Variants in AGAP1 observed in about 807,000 individuals in gnomAD.
AGAP1 encodes ArfGAP with GTPase domain, ankyrin repeat and PH domain 1.
In AGAP1, 29 loss-of-function variants were observed where a neutral mutation model predicts 105.3. The observed-to-expected ratio is 0.28, with a 90% CI of 0.21 to 0.38. The LOEUF (loss-of-function observed/expected upper bound fraction) is 0.38, where lower values mean the gene tolerates loss of function less well. AGAP1 is among the 10% of genes least tolerant of loss of function. The probability of loss-of-function intolerance (pLI) is 1.00; values close to 1 mark genes in which losing one functional copy is unlikely to be tolerated. For missense variants in AGAP1, 998 were observed against 1,165.1 expected, an observed-to-expected ratio of 0.86 and a Z score of 2.09; for synonymous variants, 509 against 485.9, an observed-to-expected ratio of 1.05 and a Z score of -0.63.
intron 8 of AGAP1, among the ~76,000 whole-genome samples, chr2:235,805,113 C>G (rs1305116136): frequency 6.6e-6 from 1 of 152,188 alleles, no homozygotes; most frequent in Non-Finnish European, 1.5e-5. Flanking sequence ...ACAGCAAACT[C>G]TTTTGCCTAA....
At chr2:235,896,342 A>G (rs928666567) in intron 10 of AGAP1, among the ~76,000 whole-genome samples, 3 of 152,228 alleles carry the variant, frequency 2.0e-5, no homozygotes, top group African/African-American at 4.8e-5. Flanking sequence ...TTGTTTGTCC[A>G]TGGATGGACA....
At chr2:235,695,107 A>G (rs746226136) in intron 1 of AGAP1, among the ~76,000 whole-genome samples, 14 of 152,234 alleles carry the variant, frequency 9.2e-5, no homozygotes, top group Non-Finnish European at 1.9e-4. Context: ...GAAGCTGGGA[A>G]ATAACAAGGA....
chr2:235,762,890 A>G (rs914313253), intron 6 of AGAP1, among the ~76,000 whole-genome samples: 1 of 152,154 alleles, frequency 6.6e-6, no homozygotes, highest in Admixed American at 6.5e-5. Flanking sequence ...CAGGAAAGAA[A>G]GATAGATTGT....
At chr2:235,997,426 G>A (rs1018681348) in intron 13 of AGAP1, among the ~76,000 whole-genome samples, 2 of 152,250 alleles carry the variant, frequency 1.3e-5, no homozygotes, top group South Asian at 2.1e-4. Context: ...AATTTAAGAC[G>A]TCATTCTAAA....
At chr2:235,706,857 C>T (rs1950560849) in intron 1 of AGAP1, among the ~76,000 whole-genome samples, 1 of 152,180 alleles carries the variant, frequency 6.6e-6, no homozygotes, top group African/African-American at 2.4e-5. Flanking sequence ...TGCAGATCCT[C>T]TAAGGCCACA....
intron 1 of AGAP1, among the ~76,000 whole-genome samples, chr2:235,529,604 C>A (rs1272259638): frequency 2.0e-5 from 3 of 152,166 alleles, no homozygotes; most frequent in Admixed American, 2.0e-4. Flanking sequence ...AAATCCAGGA[C>A]CTGGAAGGGA....
intron 1 of AGAP1, among the ~76,000 whole-genome samples, chr2:235,697,272 C>T (rs1950041292): frequency 6.6e-6 from 1 of 152,200 alleles, no homozygotes; most frequent in Non-Finnish European, 1.5e-5. Context: ...GCTGCCCAGG[C>T]GTTCCATGTA....
At chr2:235,939,354 G>T (rs563100867) in intron 12 of AGAP1, among the ~76,000 whole-genome samples, 57 of 151,994 alleles carry the variant, frequency 3.8e-4, no homozygotes, top group African/African-American at 1.3e-3. Flanking sequence ...TTGGACATGG[G>T]GTAGGGCATC....
intron 1 of AGAP1, among the ~76,000 whole-genome samples, chr2:235,565,336 G>A (rs1944314993): frequency 2.0e-5 from 3 of 152,266 alleles, no homozygotes; most frequent in Admixed American, 1.3e-4. Context: ...TCCCTTGTCA[G>A]CATTTTAAAC....
chr2:236,011,020 C>T (rs2056492617), intron 13 of AGAP1, among the ~76,000 whole-genome samples: 1 of 152,102 alleles, frequency 6.6e-6, no homozygotes, highest in South Asian at 2.1e-4. Context: ...GCACTCCAGC[C>T]TGGGCTAACA....
At chr2:235,581,704 G>A (rs1430483593) in intron 1 of AGAP1, among the ~76,000 whole-genome samples, 1 of 152,066 alleles carries the variant, frequency 6.6e-6, no homozygotes, top group African/African-American at 2.4e-5. Context: ...TACTCAAGAG[G>A]CTGAGGCAGA....
rs928615563 is a variant in AGAP1, at chr2:235,733,839, TA to T, written c.311-7114del. ...TTACTTTGTATTTTACAATGTAAAT[TA>T]AAAAAAAAAGTTGGGAGAGGAAGTG... On this transcript the variant is annotated intron_variant, in intron 3 of 17. Transcript: ENST00000304032. This position sits in a 1 kb window ranked among gnomAD's most constrained non-coding sequence, Gnocchi z 5.0. Among the ~76,000 whole-genome samples, 7 of 149,362 alleles carry T rather than the reference TA, an allele frequency of 4.7e-5. No homozygotes were observed. Among genetic ancestry groups the T allele is most frequent in the African/African-American group, 7.3e-5 (3 of 40,888 alleles).
intron 1 of AGAP1, among the ~76,000 whole-genome samples, chr2:235,547,145 G>T (rs1171164253): frequency 6.6e-6 from 1 of 152,166 alleles, no homozygotes; most frequent in Admixed American, 6.5e-5. Context: ...CACAGACCAG[G>T]GAGGTGACGG....
At chr2:235,816,406 C>G (rs1201841691) in intron 9 of AGAP1, among the ~76,000 whole-genome samples, 1 of 148,476 alleles carries the variant, frequency 6.7e-6, no homozygotes, top group East Asian at 2.0e-4. Flanking sequence ...CCACTGCACT[C>G]CAGCCTGGGT....
At chr2:236,041,975 G>A (rs941109543) in intron 15 of AGAP1, among the ~76,000 whole-genome samples, 5 of 152,218 alleles carry the variant, frequency 3.3e-5, no homozygotes, top group Non-Finnish European at 5.9e-5. Flanking sequence ...TCTCTGGGTG[G>A]TTGTAGGATT....
Position 236,120,447 on chromosome 2 carries a change from G to A in AGAP1, c.2370G>A (p.Trp790Ter). 1 of 1,611,334 alleles carries A rather than the reference G, an allele frequency of 6.2e-7. No homozygotes were observed. Among genetic ancestry groups the A allele is most frequent in the Non-Finnish European group, 8.5e-7 (1 of 1,179,768 alleles). Residue 790 changes from tryptophan (W) to a stop codon, truncating the protein, a stop_gained and splice_region_variant, in exon 17 of 18, where the codon TGG becomes TGA. Transcript: ENST00000304032. LOFTEE classifies it high-confidence loss of function. This position sits in a 1 kb window ranked among gnomAD's most constrained non-coding sequence, Gnocchi z 6.0. ...GNVVLAQLLI[W>*]YGVDVTARDA... ...TGGTCCTGGCGCAGCTCCTGATCTG[G>A]GTAGGTGGTCGGCACGCCTGGCAGA...
At chr2:235,638,552 G>A (rs1184224418) in intron 1 of AGAP1, among the ~76,000 whole-genome samples, 1 of 152,214 alleles carries the variant, frequency 6.6e-6, no homozygotes, top group Non-Finnish European at 1.5e-5. Context: ...TCACATATAA[G>A]CTCAGTTTTG....
chr2:235,747,720 C>T lies in AGAP1; in HGVS notation c.539-2634C>T, dbSNP rs1008426994. 5.3e-5 allele frequency among the ~76,000 whole-genome samples: 8 copies of T among 152,336 alleles called. No homozygotes were observed. The highest frequency in any genetic ancestry group is 2.1e-4 in the South Asian group (1 of 4,818). On this transcript the variant is annotated intron_variant, in intron 5 of 17. Coordinates refer to ENST00000304032, the MANE Select transcript of AGAP1 (RefSeq NM_001037131.3). The surrounding 1 kb of genome is among the most constrained non-coding windows in gnomAD (Gnocchi z 5.0). Reference sequence around the variant, plus strand: ...GCTTCCTGCGTGCAGACTTGCTCTCCGTGAAGCCCGTGCTCGGCTGCTCTT... The same window carrying T: ...GCTTCCTGCGTGCAGACTTGCTCTCTGTGAAGCCCGTGCTCGGCTGCTCTT...
At chr2:236,106,124 T>TGGCA (rs2059484351) in intron 16 of AGAP1, among the ~76,000 whole-genome samples, 1 of 152,264 alleles carries the variant, frequency 6.6e-6, no homozygotes, top group South Asian at 2.1e-4. Flanking sequence ...GCTGGCTGGC[T>TGGCA]GGCAGCCTTT....
Sources: gnomAD v4.1 joint callset for allele counts (sites outside exome capture counted in the v4.1 genomes callset) on GRCh38, gnomAD v4.1.1 for gene constraint, Gnocchi (gnomAD v3.1) non-coding constraint, MANE v1.5 for transcripts, NCBI Gene and HGNC (gene_info 2026-07-23, HGNC 2026-07-21) for gene names.